Variants in PDE4D observed in about 807,000 individuals in gnomAD.
PDE4D encodes the protein phosphodiesterase 4D.
A neutral mutation model predicts 87.4 loss-of-function variants in PDE4D; 24 were observed. The ratio of observed to expected loss-of-function variants is 0.27; its 90% CI spans 0.20 to 0.39. The LOEUF (loss-of-function observed/expected upper bound fraction) is 0.39. Ranked by LOEUF, PDE4D falls within the 10% of genes least tolerant of loss-of-function variation. PDE4D has a pLI of 1.00. For missense variants in PDE4D, 714 were observed against 1,041.0 expected, an observed-to-expected ratio of 0.69 and a Z score of 4.32; for synonymous variants, 384 against 383.2, an observed-to-expected ratio of 1.00 and a Z score of -0.02.
intron 3 of PDE4D, among the ~76,000 whole-genome samples, chr5:59,981,740 A>G (rs1417334469): frequency 6.6e-6 from 1 of 152,172 alleles, no homozygotes; most frequent in Non-Finnish European, 1.5e-5. Context: ...AGCTTTATAA[A>G]CACCCTTATA....
At chr5:59,163,849 C>T (rs1781518094) in intron 5 of PDE4D, among the ~76,000 whole-genome samples, 2 of 152,124 alleles carry the variant, frequency 1.3e-5, no homozygotes, top group East Asian at 1.9e-4. Context: ...TGGCATTGTC[C>T]CAGCATATTA....
At chr5:59,570,467 T>C (rs1185964321) in intron 1 of PDE4D, among the ~76,000 whole-genome samples, 3 of 152,158 alleles carry the variant, frequency 2.0e-5, no homozygotes, top group African/African-American at 7.2e-5. Flanking sequence ...TATAAAATTT[T>C]CACTTGTAAA....
At chr5:60,212,658 G>T (rs1743376424) in intron 1 of PDE4D, among the ~76,000 whole-genome samples, 1 of 152,158 alleles carries the variant, frequency 6.6e-6, no homozygotes, top group Admixed American at 6.5e-5. Context: ...AGAGAGAAAG[G>T]TTTAACCCGA....
intron 1 of PDE4D, among the ~76,000 whole-genome samples, chr5:60,308,085 C>T (rs1754666505): frequency 6.6e-6 from 1 of 152,070 alleles, no homozygotes; most frequent in Non-Finnish European, 1.5e-5. Flanking sequence ...TGTTCACAGG[C>T]CATTACTTAT....
chr5:59,906,553 T>C (rs1752841131), intron 3 of PDE4D, among the ~76,000 whole-genome samples: 2 of 152,180 alleles, frequency 1.3e-5, no homozygotes, highest in African/African-American at 4.8e-5. Context: ...CATACTTCAG[T>C]GGCAGAGTTG....
At chr5:58,998,906 TATTA>T in intron 6 of PDE4D, among the ~76,000 whole-genome samples, 1 of 152,212 alleles carries the variant, frequency 6.6e-6, no homozygotes, top group East Asian at 1.9e-4. Context: ...TTGAATTGTT[TATTA>T]ATTCATTTCT....
chr5:59,565,694 C>A (rs1200585422), intron 1 of PDE4D, among the ~76,000 whole-genome samples: 1 of 152,150 alleles, frequency 6.6e-6, no homozygotes, highest in East Asian at 1.9e-4. Flanking sequence ...GTACAGATGG[C>A]AAAGCAACTG....
chr5:60,182,835 G>C (rs181432345), intron 2 of PDE4D, among the ~76,000 whole-genome samples: 3 of 151,478 alleles, frequency 2.0e-5, no homozygotes, highest in Admixed American at 2.0e-4. Context: ...AGCCGAGATC[G>C]CGCCACTGCG....
rs1010891714 is a variant in PDE4D at position 59,354,590 on chromosome 5, CT to C, written c.456-138623del. ...AAATTTTAAGTTATATGATATGTAC[CT>C]TTTTTCATTATTGTCAGTACATTGT... On this transcript the variant is annotated intron_variant, in intron 1 of 14. Coordinates refer to ENST00000340635, the MANE Select transcript of PDE4D (RefSeq NM_001104631.2). Among the ~76,000 whole-genome samples, 34 of 151,942 alleles carry C rather than the reference CT, an allele frequency of 2.2e-4. 1 individual carries two copies. Among genetic ancestry groups the C allele is most frequent in the Admixed American group, 2.2e-3 (33 of 15,228 alleles).
At chr5:59,125,355 C>G (rs1380552772) in intron 5 of PDE4D, 5 of 829,866 alleles carry the variant, frequency 6.0e-6, no homozygotes, top group Non-Finnish European at 7.3e-6. Flanking sequence ...AATTATTTTT[C>G]CTTTTCAAAA....
intron 1 of PDE4D, among the ~76,000 whole-genome samples, chr5:60,367,048 A>G (rs2149972190): frequency 6.6e-6 from 1 of 152,322 alleles, no homozygotes; most frequent in South Asian, 2.1e-4. Flanking sequence ...GTCCTGGTGA[A>G]CATGCCTTCC....
intron 1 of PDE4D, among the ~76,000 whole-genome samples, chr5:59,687,158 T>C (rs922226071): frequency 2.6e-5 from 4 of 152,194 alleles, no homozygotes; most frequent in African/African-American, 9.6e-5. Flanking sequence ...TTGACATTGA[T>C]AACATATTCC....
At chr5:60,043,518 A>G (rs2152870369) in intron 2 of PDE4D, among the ~76,000 whole-genome samples, 1 of 152,324 alleles carries the variant, frequency 6.6e-6, no homozygotes, top group African/African-American at 2.4e-5. Flanking sequence ...GTCGAAATGG[A>G]GGAAAAAATG....
intron 1 of PDE4D, among the ~76,000 whole-genome samples, chr5:60,400,521 C>CAAAAAAA (rs56750243): frequency 4.0e-4 from 25 of 62,298 alleles, no homozygotes; most frequent in East Asian, 6.4e-4. Flanking sequence ...GACTCCATCT[C>CAAAAAAA]AAAAAAAAAA....
At chr5:60,213,045 A>G (rs1478127379) in intron 1 of PDE4D, among the ~76,000 whole-genome samples, 1 of 152,136 alleles carries the variant, frequency 6.6e-6, no homozygotes, top group Admixed American at 6.5e-5. Context: ...TTCCTTATCC[A>G]TGTCATCCAT....
At chr5:59,833,732 G>A (rs531958105) in intron 1 of PDE4D, among the ~76,000 whole-genome samples, 35 of 152,086 alleles carry the variant, frequency 2.3e-4, no homozygotes, top group African/African-American at 7.2e-4. Flanking sequence ...AAAGGGGTGT[G>A]AGAGAGGAGG....
chr5:60,290,256 G>A (rs984657343), intron 1 of PDE4D, among the ~76,000 whole-genome samples: 16 of 152,076 alleles, frequency 1.1e-4, no homozygotes, highest in African/African-American at 3.9e-4. Flanking sequence ...AAGGCACAAA[G>A]CACTAAAGGA....
intron 3 of PDE4D, among the ~76,000 whole-genome samples, chr5:59,911,144 C>A (rs1462017798): frequency 6.6e-6 from 1 of 152,158 alleles, no homozygotes; most frequent in Admixed American, 6.5e-5. Context: ...GCCTGGGGAC[C>A]AGACTGGCTG....
At chr5:60,091,887 C>G (rs561549192) in intron 2 of PDE4D, among the ~76,000 whole-genome samples, 2 of 151,490 alleles carry the variant, frequency 1.3e-5, no homozygotes, top group African/African-American at 4.8e-5. Flanking sequence ...CCCGTCTCTA[C>G]TAAAAATACA....
Sources: allele counts gnomAD v4.1 joint callset (sites outside exome capture counted in the v4.1 genomes callset), GRCh38; gene constraint gnomAD v4.1.1; transcripts MANE v1.5; gene names NCBI Gene and HGNC (gene_info 2026-07-23, HGNC 2026-07-21).